The following CNTN5 variants were observed in gnomAD, a reference collection of about 807,000 sequenced individuals.
CNTN5 encodes contactin 5.
CNTN5 carries 77 observed loss-of-function variants against 129.1 expected under a neutral mutation model. The ratio of observed to expected loss-of-function variants is 0.60; its 90% confidence interval spans 0.50 to 0.72. CNTN5 has a LOEUF of 0.72. Among genes scored for constraint, CNTN5 ranks in the 30% least tolerant of loss-of-function variants. CNTN5 has a pLI of 0.00. For synonymous variants in CNTN5, 509 were observed against 465.6 expected (o/e 1.09, Z -1.20); for missense variants, 1,478 against 1,328.8 (o/e 1.11, Z -1.75).
chr11:99,811,495 T>G (rs1389912907), intron 3 of CNTN5, among the ~76,000 whole-genome samples: 1 of 148,630 alleles, frequency 6.7e-6, no homozygotes, highest in Admixed American at 6.7e-5. Context: ...ACTATTATAT[T>G]TATAATATTA....
chr11:99,490,880 G>A (rs186121205), intron 2 of CNTN5, among the ~76,000 whole-genome samples: 89 of 152,176 alleles, frequency 5.8e-4, no homozygotes, highest in Admixed American at 1.5e-3. Flanking sequence ...CTCTGGGCAG[G>A]AGCTGCAGGC....
At chr11:99,821,542 C>T (rs1342199825) in intron 4 of CNTN5, among the ~76,000 whole-genome samples, 1 of 151,842 alleles carries the variant, frequency 6.6e-6, no homozygotes, top group Non-Finnish European at 1.5e-5. Context: ...TCTGGAAGAT[C>T]ATCATTAGGA....
chr11:99,917,321 A>G (rs10501934), intron 7 of CNTN5, among the ~76,000 whole-genome samples: 6,101 of 152,180 alleles, frequency 0.04, 257 homozygotes, highest in African/African-American at 0.1. Flanking sequence ...CATTAAACAT[A>G]TCTATTCTTG....
intron 6 of CNTN5, among the ~76,000 whole-genome samples, chr11:99,910,486 C>T (rs999724359): frequency 6.6e-5 from 10 of 152,022 alleles, no homozygotes; most frequent in African/African-American, 1.9e-4. Context: ...AGAAACTGGT[C>T]TTTAATAAGA....
chr11:99,748,208 T>C (rs1944118935), intron 3 of CNTN5, among the ~76,000 whole-genome samples: 1 of 152,140 alleles, frequency 6.6e-6, no homozygotes, highest in Non-Finnish European at 1.5e-5. Context: ...ATGAGGGTAA[T>C]GTTAGTCTTG....
Position 100,071,715 on chromosome 11 carries a change from A to T in CNTN5, c.1310A>T (p.Glu437Val). 6.3e-7 allele frequency: 1 copy of T among 1,583,850 alleles called. No homozygotes were observed. Among genetic ancestry groups the T allele is most frequent in the East Asian group, 2.3e-5 (1 of 44,164 alleles). ...TTAATTCCATTACAGAGTAGGGTTG[A>T]GATGGTTAATGGAGTATTGATGATC... ...GVPLSPQSRV[E>V]MVNGVLMIHN... Residue 437 changes from glutamate (E) to valine (V), a missense_variant, in exon 12 of 25, where the codon GAG (glutamate) becomes GTG (valine). Glu to Val is a moderately radical substitution (Grantham distance 121, BLOSUM62 -2). Transcript: ENST00000524871.
intron 1 of CNTN5, among the ~76,000 whole-genome samples, chr11:99,229,105 C>A (rs945209295): frequency 6.6e-6 from 1 of 151,920 alleles, no homozygotes; most frequent in African/African-American, 2.4e-5. Flanking sequence ...CGTTCTTCCA[C>A]GTATGAAGTG....
intron 2 of CNTN5, among the ~76,000 whole-genome samples, chr11:99,476,612 A>T (rs1591127042): frequency 6.6e-6 from 1 of 152,288 alleles, no homozygotes; most frequent in Non-Finnish European, 1.5e-5. Flanking sequence ...ATATGTAGCA[A>T]TAAGCATTCA....
intron 3 of CNTN5, among the ~76,000 whole-genome samples, chr11:99,769,811 G>A (rs1469685355): frequency 6.6e-4 from 63 of 94,762 alleles, no homozygotes; most frequent in African/African-American, 2.5e-3. Context: ...GTGAGACCCC[G>A]TCTCAAAAAA....
chr11:99,233,526 T>C (rs1861110250), intron 1 of CNTN5, among the ~76,000 whole-genome samples: 1 of 152,232 alleles, frequency 6.6e-6, no homozygotes, highest in South Asian at 2.1e-4. Context: ...GTGACGTTTC[T>C]TGATTCTTGT....
chr11:99,444,206 A>G (rs1257165598), intron 2 of CNTN5, among the ~76,000 whole-genome samples: 1 of 151,572 alleles, frequency 6.6e-6, no homozygotes, highest in Non-Finnish European at 1.5e-5. Flanking sequence ...CTCAAAAAGA[A>G]AGAGAGAGAG....
At chr11:99,168,772 G>A (rs7122320) in intron 1 of CNTN5, among the ~76,000 whole-genome samples, 102,297 of 152,098 alleles carry the variant, frequency 0.67, 34,786 homozygotes, top group East Asian at 0.94. Context: ...ATATTAAAAT[G>A]TGGCAACTAT....
intron 10 of CNTN5, among the ~76,000 whole-genome samples, chr11:100,068,842 G>T (rs1175084023): frequency 6.6e-6 from 1 of 152,190 alleles, no homozygotes; most frequent in Non-Finnish European, 1.5e-5. Context: ...CAGAAGACCA[G>T]TAAGCTAATA....
chr11:99,901,643 A>G (rs1949360820), intron 6 of CNTN5, among the ~76,000 whole-genome samples: 1 of 152,118 alleles, frequency 6.6e-6, no homozygotes, highest in Non-Finnish European at 1.5e-5. Flanking sequence ...TTTTTTCTAA[A>G]TCTAAATTCA....
chr11:100,007,473 GAA>G (rs1344487081), intron 9 of CNTN5, among the ~76,000 whole-genome samples: 2 of 152,090 alleles, frequency 1.3e-5, no homozygotes, highest in African/African-American at 2.4e-5. Context: ...ATAACTAGCT[GAA>G]GTTTTCACAT....
At chr11:100,264,960 G>C (rs969872473) in intron 17 of CNTN5, among the ~76,000 whole-genome samples, 2 of 151,942 alleles carry the variant, frequency 1.3e-5, no homozygotes, top group African/African-American at 4.8e-5. Context: ...TTGTAATTCT[G>C]ATTTGCATTT....
chr11:100,012,788 G>C (rs1940605186), intron 9 of CNTN5, among the ~76,000 whole-genome samples: 1 of 152,126 alleles, frequency 6.6e-6, no homozygotes, highest in African/African-American at 2.4e-5. Flanking sequence ...GTGAGAATTA[G>C]GAATCTTAAT....
chr11:100,319,147 T>A (rs1019467904), intron 21 of CNTN5, among the ~76,000 whole-genome samples: 5 of 149,588 alleles, frequency 3.3e-5, no homozygotes, highest in African/African-American at 1.2e-4. Flanking sequence ...GTTTTCTTTT[T>A]CTTTTCTTTT....
intron 16 of CNTN5, among the ~76,000 whole-genome samples, chr11:100,230,435 GC>G (rs1260282188): frequency 2.0e-5 from 3 of 152,188 alleles, no homozygotes; most frequent in African/African-American, 7.2e-5. Context: ...TCATATGGTT[GC>G]TTGCTAACCT....
Sources: allele counts gnomAD v4.1 joint callset (sites outside exome capture counted in the v4.1 genomes callset), GRCh38; gene constraint gnomAD v4.1.1; transcripts MANE v1.5; gene names NCBI Gene and HGNC (gene_info 2026-07-23, HGNC 2026-07-21).